Variants in CCDC171 observed in about 807,000 individuals in gnomAD.
CCDC171 encodes coiled-coil domain-containing protein 171.
In CCDC171, 177 loss-of-function variants were observed where a neutral mutation model predicts 168.2. The ratio of observed to expected loss-of-function variants is 1.05; its 90% CI spans 0.93 to 1.19. The LOEUF (loss-of-function observed/expected upper bound fraction) is 1.19, where lower values mean the gene tolerates loss of function less well. CCDC171 is among the 50% of genes most tolerant of loss of function. The pLI, the probability that CCDC171 is intolerant of heterozygous loss-of-function variation, is 0.00. For missense variants in CCDC171, 1,991 were observed against 1,539.0 expected, an observed-to-expected ratio of 1.29 and a Z score of -4.91; for synonymous variants, 687 against 540.8, an observed-to-expected ratio of 1.27 and a Z score of -3.75.
rs2044647567 is a variant in CCDC171 at position 15,623,211 on chromosome 9, T to A, written c.676-56T>A. On this transcript the variant is annotated intron_variant, in intron 6 of 25. Coordinates refer to ENST00000380701, the MANE Select transcript of CCDC171 (RefSeq NM_173550.4). The stretch of plus-strand genomic sequence containing the variant: ...ACTCACTGTCTTCTATTGGAGTGAC[T>A]CTTAGTCATTGATGGCTTATAAACT... 4.3e-5 allele frequency: 58 copies of A among 1,346,214 alleles called. No individual in the cohort carries two copies. In the South Asian group the frequency reaches 9.3e-4, roughly 22 times the overall value. The allele number at this position is 1,346,214 out of a possible 1,614,324, so 83.4% of individuals were successfully genotyped here. A position where few individuals can be genotyped will look rare whatever the true frequency, so the allele number is the denominator to read the frequency against.
intron 3 of CCDC171, among the ~76,000 whole-genome samples, chr9:15,990,855 C>A (rs1832168525): frequency 6.6e-6 from 1 of 152,152 alleles, no homozygotes; most frequent in Non-Finnish European, 1.5e-5. Flanking sequence ...GTAAAGGGAT[C>A]AATTCAACAA....
chr9:15,601,110 C>T (rs538648779), intron 6 of CCDC171, among the ~76,000 whole-genome samples: 2 of 152,190 alleles, frequency 1.3e-5, no homozygotes, highest in African/African-American at 2.4e-5. Flanking sequence ...CGCCCTGCTT[C>T]GACTCACGCT....
At chr9:15,729,548 G>C in intron 15 of CCDC171, 62 bp from the exon 16 acceptor site, 3 of 1,032,282 alleles carry the variant, frequency 2.9e-6, no homozygotes, top group South Asian at 4.7e-5. Flanking sequence ...TTTATTGGGG[G>C]AGATGACACA....
At chr9:15,775,487 T>G (rs1379787551) in intron 18 of CCDC171, among the ~76,000 whole-genome samples, 2 of 152,124 alleles carry the variant, frequency 1.3e-5, no homozygotes, top group Admixed American at 1.3e-4. Context: ...CCCGGCTAAT[T>G]TTTTGTATTT....
At chr9:15,805,915 A>G (rs2059051925) in intron 21 of CCDC171, among the ~76,000 whole-genome samples, 1 of 152,184 alleles carries the variant, frequency 6.6e-6, no homozygotes, top group Middle Eastern at 3.2e-3. Context: ...GTCTCTAAGA[A>G]TGTGCTTTAT....
chr9:15,558,162 G>A (rs1390948306), intron 1 of CCDC171, among the ~76,000 whole-genome samples: 2 of 151,966 alleles, frequency 1.3e-5, no homozygotes, highest in Non-Finnish European at 2.9e-5. Context: ...GAGGATTTTT[G>A]CATCAATGTT....
intron 25 of CCDC171, among the ~76,000 whole-genome samples, chr9:15,965,882 C>T (rs1472671946): frequency 2.6e-5 from 4 of 152,220 alleles, no homozygotes; most frequent in Admixed American, 1.3e-4. Context: ...CTTCAAAGCC[C>T]GTATTCTTTC....
At chr9:15,890,133 G>A (rs535961309) in intron 24 of CCDC171, among the ~76,000 whole-genome samples, 2 of 152,116 alleles carry the variant, frequency 1.3e-5, no homozygotes, top group South Asian at 2.1e-4. Flanking sequence ...AGGGCATTGC[G>A]CTGTACTCTG....
intron 21 of CCDC171, among the ~76,000 whole-genome samples, chr9:15,840,694 T>C (rs1278469606): frequency 1.3e-5 from 2 of 152,142 alleles, no homozygotes; most frequent in Admixed American, 1.3e-4. Flanking sequence ...TCACAATAAA[T>C]CTAGCTACCA....
At chr9:15,555,128 C>G (rs1021132050) in intron 1 of CCDC171, among the ~76,000 whole-genome samples, 1 of 152,140 alleles carries the variant, frequency 6.6e-6, no homozygotes, top group Non-Finnish European at 1.5e-5. Context: ...CTGGCACCTC[C>G]TCTCAGGATG....
At chr9:15,802,260 A>T (rs1431283635) in intron 21 of CCDC171, among the ~76,000 whole-genome samples, 2 of 151,378 alleles carry the variant, frequency 1.3e-5, no homozygotes, top group Non-Finnish European at 2.9e-5. Flanking sequence ...ATTATTTTCA[A>T]CTTTTAAGTT....
At chr9:16,007,727 A>G (rs1168096055) in intron 3 of CCDC171, among the ~76,000 whole-genome samples, 1 of 152,198 alleles carries the variant, frequency 6.6e-6, no homozygotes, top group Non-Finnish European at 1.5e-5. Context: ...GGTTTGTCAA[A>G]GATCAGCTGG....
At chr9:16,055,314 C>T (rs1401806241) in intron 1 of CCDC171, among the ~76,000 whole-genome samples, 1 of 151,872 alleles carries the variant, frequency 6.6e-6, no homozygotes, top group African/African-American at 2.4e-5. Flanking sequence ...AGAGAGAGTT[C>T]AGGAGGCAGA....
intron 15 of CCDC171, 115 bp downstream of exon 15, chr9:15,728,151 A>G: frequency 1.3e-6 from 1 of 776,774 alleles, no homozygotes; most frequent in African/African-American, 1.8e-5. Flanking sequence ...TTGGATGTTA[A>G]TAATTCAATA....
At chr9:15,574,227 C>T (rs962490386) in intron 3 of CCDC171, among the ~76,000 whole-genome samples, 1 of 151,976 alleles carries the variant, frequency 6.6e-6, no homozygotes, top group Non-Finnish European at 1.5e-5. Flanking sequence ...TCACTGCAAC[C>T]TCTGCCTCCC....
At chr9:15,994,096 C>T (rs970402460) in intron 3 of CCDC171, among the ~76,000 whole-genome samples, 6 of 152,086 alleles carry the variant, frequency 3.9e-5, no homozygotes, top group Middle Eastern at 3.4e-3. Flanking sequence ...ATGTATATAC[C>T]GAAAGGATTA....
intron 13 of CCDC171, 63 bp from the exon 14 acceptor site, chr9:15,724,713 A>G: frequency 3.0e-6 from 3 of 1,014,332 alleles, no homozygotes; most frequent in South Asian, 1.3e-5. Context: ...GTTTTATACT[A>G]GTGTCCCCTC....
chr9:16,042,531 A>T (rs1379115519), upstream of CCDC171, among the ~76,000 whole-genome samples: 1 of 152,208 alleles, frequency 6.6e-6, no homozygotes, highest in Non-Finnish European at 1.5e-5. Context: ...AAATAAAGTG[A>T]ATTATAACCC....
intron 21 of CCDC171, among the ~76,000 whole-genome samples, chr9:15,808,622 A>G (rs1442650337): frequency 2.6e-5 from 4 of 152,226 alleles, no homozygotes; most frequent in Admixed American, 6.5e-5. Context: ...TTCAGAGAGC[A>G]GGGTGCCTCA....
Sources: gnomAD v4.1 joint callset for allele counts (sites outside exome capture counted in the v4.1 genomes callset) on GRCh38, gnomAD v4.1.1 for gene constraint, MANE v1.5 for transcripts, NCBI Gene and HGNC (gene_info 2026-07-23, HGNC 2026-07-21) for gene names.